Variants in PCDH19 observed in about 807,000 individuals in gnomAD.
PCDH19 encodes the protein protocadherin-19.
Under a neutral mutation model 46.2 loss-of-function variants are expected in PCDH19, and 6 were observed. That is an observed-to-expected ratio of 0.13 (90% CI 0.07 to 0.26). The LOEUF (loss-of-function observed/expected upper bound fraction) is 0.26. PCDH19 is among the 10% of genes least tolerant of loss of function. The pLI, the probability that PCDH19 is intolerant of heterozygous loss-of-function variation, is 1.00. For synonymous variants in PCDH19, 481 were observed against 415.7 expected, an observed-to-expected ratio of 1.16 and a Z score of -1.91; for missense variants, 740 against 972.3, an observed-to-expected ratio of 0.76 and a Z score of 3.18.
chrX:100,296,252 CTT>C lies in PCDH19; in HGVS notation c.*23_*24del, dbSNP rs1305766951. 1 of 1,146,660 alleles carries C rather than the reference CTT, an allele frequency of 8.7e-7. No individual in the cohort carries two copies. The highest frequency in any genetic ancestry group is 1.8e-5 in the African/African-American group (1 of 56,072). The allele number at this position is 1,146,660 out of a possible 1,213,427, so 94.5% of individuals were successfully genotyped here. ...GCTTCTTCACTAGCCAGTGTGGTTTCTTTCTCTTCTTCCTGGAGACTGGTTTA... is the reference window on the plus strand; with the variant it reads ...GCTTCTTCACTAGCCAGTGTGGTTTCTCTCTTCTTCCTGGAGACTGGTTTA... On this transcript the variant is annotated 3_prime_UTR_variant, in exon 6 of 6. Transcript: ENST00000373034.
rs191349188 is a variant in PCDH19 at position 100,359,926 on chromosome X, T to A, written c.2617-9222A>T. On this transcript the variant is annotated intron_variant, in intron 3 of 5. Transcript: ENST00000373034. Reference sequence around the variant, plus strand: ...GAGCCCTTCTGGCTCACAGAAGGACTAGCACCCTCAGAACCTGAGCTGGTC... The same window carrying A: ...GAGCCCTTCTGGCTCACAGAAGGACAAGCACCCTCAGAACCTGAGCTGGTC... Among the ~76,000 whole-genome samples the A allele has an allele frequency of 8.8e-4, 97 of 109,807 alleles. 1 individual carries two copies. The highest frequency in any genetic ancestry group is 2.7e-3 in the Admixed American group (28 of 10,217).
At chrX:100,350,618 G>A in intron 4 of PCDH19, 28 bp downstream of exon 4, 1 of 1,051,861 alleles carries the variant, frequency 9.5e-7, no homozygotes, top group Non-Finnish European at 1.3e-6. Flanking sequence ...AAGCTTAGTT[G>A]CAGCAATAAG....
At chrX:100,309,387 G>C (rs893383073) in intron 5 of PCDH19, among the ~76,000 whole-genome samples, 1 of 111,254 alleles carries the variant, frequency 9.0e-6, no homozygotes, top group Non-Finnish European at 1.9e-5. Context: ...CAGGGGAAAG[G>C]GTGGGAGGAG....
chrX:100,410,137 G>A lies in PCDH19; in HGVS notation c.-1540C>T, dbSNP rs1928557305. On this transcript the variant is annotated 5_prime_UTR_variant, in exon 1 of 6. Transcript: ENST00000373034. Reference sequence around the variant, plus strand: ...GGGCCAGCGCCGGGCTAGGGACGCGGGTGCCAGTGCCTCCCGGGCAAGCCA... The same window carrying A: ...GGGCCAGCGCCGGGCTAGGGACGCGAGTGCCAGTGCCTCCCGGGCAAGCCA... 3.4e-6 allele frequency: 1 copy of A among 297,534 alleles called. No individual in the cohort carries two copies. The highest frequency in any genetic ancestry group is 2.7e-5 in the African/African-American group (1 of 37,045). 24.5% of individuals were successfully genotyped at this position (297,534 alleles called of 1,213,427 possible). A position where few individuals can be genotyped will look rare whatever the true frequency, so the allele number is the denominator to read the frequency against.
At chrX:100,308,300 C>T (rs1925015473) in intron 5 of PCDH19, among the ~76,000 whole-genome samples, 1 of 111,300 alleles carries the variant, frequency 9.0e-6, no homozygotes, top group African/African-American at 3.3e-5. Flanking sequence ...ACACTCTATT[C>T]AACAAATGGT....
Position 100,409,690 on chromosome X carries a change from C to T in PCDH19, c.-1093G>A. Reference sequence around the variant, plus strand: ...GGTGCTTCTCTTCTCTCCGTTTGGGCTGGGGTGTCGCTCCAAGGTCCGCCG... The same window carrying T: ...GGTGCTTCTCTTCTCTCCGTTTGGGTTGGGGTGTCGCTCCAAGGTCCGCCG... On this transcript the variant is annotated 5_prime_UTR_variant, in exon 1 of 6. Transcript: ENST00000373034. The T allele has an allele frequency of 4.0e-6, 1 of 247,740 alleles. No individual in the cohort carries two copies. The allele number at this position is 247,740 out of a possible 1,213,427, so 20.4% of individuals were successfully genotyped here. A position where few individuals can be genotyped will look rare whatever the true frequency, so the allele number is the denominator to read the frequency against.
chrX:100,331,062 C>T (rs960384962), intron 5 of PCDH19, among the ~76,000 whole-genome samples: 1 of 111,876 alleles, frequency 8.9e-6, no homozygotes, highest in African/African-American at 3.3e-5. Context: ...CACTGCCTTT[C>T]GAATTACCTA....
Position 100,406,651 on chromosome X carries a change from C to T in PCDH19, c.1947G>A (p.Lys649=). ...ELIVVAHDHG[K]TSLSASALVL... Reference sequence around the variant, plus strand: ...CGAGAGCAGAGGCAGAGAGAGATGTCTTGCCGTGGTCGTGAGCCACCACGA... The same window carrying T: ...CGAGAGCAGAGGCAGAGAGAGATGTTTTGCCGTGGTCGTGAGCCACCACGA... The change falls in exon 1 of 6, where the codon AAG becomes AAA. Residue 649 remains lysine (K), a synonymous_variant. Transcript: ENST00000373034. 1 of 1,211,692 alleles carries T rather than the reference C, an allele frequency of 8.3e-7. No homozygotes were observed. The highest frequency in any genetic ancestry group is 3.0e-5 in the East Asian group (1 of 33,825).
intron 5 of PCDH19, among the ~76,000 whole-genome samples, chrX:100,316,092 A>T (rs1925296250): frequency 9.0e-6 from 1 of 111,673 alleles, no homozygotes; most frequent in Admixed American, 9.5e-5. Context: ...CACCCTGACC[A>T]TCCAATATTG....
At chrX:100,310,929 C>T (rs1450151823) in intron 5 of PCDH19, among the ~76,000 whole-genome samples, 1 of 109,574 alleles carries the variant, frequency 9.1e-6, no homozygotes, top group African/African-American at 3.3e-5. Flanking sequence ...TAGCTCATTG[C>T]AGCTTCCAAC....
At chrX:100,348,091 GAA>G (rs1214087170) in intron 4 of PCDH19, among the ~76,000 whole-genome samples, 1 of 98,474 alleles carries the variant, frequency 1.0e-5, no homozygotes, top group Non-Finnish European at 2.1e-5. Flanking sequence ...AAAAAAGAAA[GAA>G]AGAAAGAAAA....
intron 3 of PCDH19, among the ~76,000 whole-genome samples, chrX:100,374,812 G>A (rs1049886474): frequency 2.7e-5 from 3 of 110,883 alleles, no homozygotes; most frequent in South Asian, 7.8e-4. Context: ...GGTGGTGGGC[G>A]CCTGTAGTCC....
At chrX:100,375,365 G>A (rs1434590398) in intron 3 of PCDH19, among the ~76,000 whole-genome samples, 1 of 111,720 alleles carries the variant, frequency 9.0e-6, no homozygotes, top group Non-Finnish European at 1.9e-5. Context: ...GTGTCCTTGC[G>A]ATAGTTTGCT....
chrX:100,379,089 A>G (rs1367149018), intron 3 of PCDH19, among the ~76,000 whole-genome samples: 1 of 111,109 alleles, frequency 9.0e-6, no homozygotes, highest in Non-Finnish European at 1.9e-5. Context: ...GGAAAATTCA[A>G]TGAAGAAGTC....
rs1240716838 is a variant in PCDH19 at position 100,294,202 on chromosome X, T to C, written c.*2075A>G. On this transcript the variant is annotated 3_prime_UTR_variant, in exon 6 of 6. Coordinates refer to ENST00000373034, the MANE Select transcript of PCDH19 (RefSeq NM_001184880.2). ...CTTAATTCAAAATCCACTACCAAAA[T>C]GAAATAAATCAGAGGGAGAAAACTG... is the stretch of plus-strand genomic sequence containing the variant. The C allele has an allele frequency of 9.0e-6, 1 of 111,480 alleles. No individual in the cohort carries two copies. Among genetic ancestry groups the C allele is most frequent in the African/African-American group, 3.3e-5 (1 of 30,596 alleles). The allele number at this position is 111,480 out of a possible 1,213,427, so 9.2% of individuals were successfully genotyped here. A position where few individuals can be genotyped will look rare whatever the true frequency, so the allele number is the denominator to read the frequency against.
At chrX:100,329,421 T>C (rs1372871801) in intron 5 of PCDH19, among the ~76,000 whole-genome samples, 1 of 111,889 alleles carries the variant, frequency 8.9e-6, no homozygotes, top group Non-Finnish European at 1.9e-5. Flanking sequence ...TTCTAAAACA[T>C]ACAAACAGTG....
At chrX:100,304,304 C>T (rs193020390) in intron 5 of PCDH19, among the ~76,000 whole-genome samples, 53 of 111,343 alleles carry the variant, frequency 4.8e-4, no homozygotes, top group African/African-American at 1.6e-3. Context: ...TGGGTGGCTA[C>T]ACCCAGAAGA....
intron 3 of PCDH19, among the ~76,000 whole-genome samples, chrX:100,393,339 A>T (rs1423498720): frequency 9.0e-6 from 1 of 110,972 alleles, no homozygotes; most frequent in Non-Finnish European, 1.9e-5. Flanking sequence ...ACCTAATATC[A>T]TAGACATGTG....
rs60053212 is a variant in PCDH19, at chrX:100,356,758, T to TTCTCTCTCTC, written c.2617-6064_2617-6055dup. On this transcript the variant is annotated intron_variant, in intron 3 of 5. Coordinates refer to ENST00000373034, the MANE Select transcript of PCDH19 (RefSeq NM_001184880.2). ...CCCCACACACCCCAGCCCTAATTCA[T>TTCTCTCTCTC]TCTCTCTCTCTCTCTCACACACACA... is the stretch of plus-strand genomic sequence containing the variant. 1.3e-3 allele frequency among the ~76,000 whole-genome samples: 132 copies of TTCTCTCTCTC among 102,999 alleles called. 2 individuals carry two copies. The highest frequency in any genetic ancestry group is 0.01 in the East Asian group (32 of 3,198). The allele number at this position is 102,999 out of a possible 115,157, so 89.4% of individuals were successfully genotyped here.
Sources: gnomAD v4.1 joint callset for allele counts (sites outside exome capture counted in the v4.1 genomes callset) on GRCh38, gnomAD v4.1.1 for gene constraint, MANE v1.5 for transcripts, NCBI Gene and HGNC (gene_info 2026-07-23, HGNC 2026-07-21) for gene names.